HIP1: variants seen among roughly 807,000 people sequenced by gnomAD.
The protein encoded by HIP1 is huntingtin interacting protein 1, also known as huntingtin-interacting protein 1.
In HIP1, 65 loss-of-function variants were observed where a neutral mutation model predicts 147.6. The observed-to-expected ratio is 0.44, with a 90% CI of 0.36 to 0.54. The LOEUF is 0.54. HIP1 is among the 20% of genes least tolerant of loss of function. The pLI, the probability that HIP1 is intolerant of heterozygous loss-of-function variation, is 0.00. For missense variants in HIP1, 1,061 were observed against 1,299.6 expected (o/e 0.82, Z 2.82); for synonymous variants, 479 against 504.0 (o/e 0.95, Z 0.67).
intron 1 of HIP1, among the ~76,000 whole-genome samples, chr7:75,693,769 G>A (rs1345212035): frequency 2.0e-5 from 3 of 150,818 alleles, no homozygotes; most frequent in African/African-American, 7.3e-5. Flanking sequence ...CAGCTACTCG[G>A]GGGAAGGGAG....
At chr7:75,718,693 C>T (rs1020140433) in intron 1 of HIP1, among the ~76,000 whole-genome samples, 9 of 152,170 alleles carry the variant, frequency 5.9e-5, no homozygotes, top group Non-Finnish European at 1.2e-4. Flanking sequence ...TTAGTTGTCA[C>T]TTCTGAGCTG....
intron 1 of HIP1, among the ~76,000 whole-genome samples, chr7:75,663,929 T>G: frequency 1.4e-5 from 1 of 71,572 alleles, no homozygotes; most frequent in Non-Finnish European, 2.6e-5. Context: ...ATTTTATGTA[T>G]GTGTGTATAT....
At chr7:75,591,981 C>A in intron 4 of HIP1, 75 bp downstream of exon 4, 1 of 1,174,522 alleles carries the variant, frequency 8.5e-7, no homozygotes, top group Non-Finnish European at 1.3e-6. Context: ...TTATTTCACC[C>A]TCCAGTCCTT....
At chr7:75,733,333 T>G (rs1584988719) in intron 1 of HIP1, 1 of 152,568 alleles carries the variant, frequency 6.6e-6, no homozygotes, top group East Asian at 1.9e-4. Context: ...GTGGTCCCAA[T>G]GATGGCTAGA....
At chr7:75,676,939 A>G (rs1799913343) in intron 1 of HIP1, among the ~76,000 whole-genome samples, 1 of 152,056 alleles carries the variant, frequency 6.6e-6, no homozygotes, top group Non-Finnish European at 1.5e-5. Flanking sequence ...TCACACCTGT[A>G]ACCCCAGCAC....
At chr7:75,592,001 C>A (rs1328931961) in intron 4 of HIP1, 55 bp downstream of exon 4, 2 of 1,368,864 alleles carry the variant, frequency 1.5e-6, no homozygotes, top group African/African-American at 2.9e-5. Context: ...TGCTCTGTGG[C>A]CTCTGAGGAA....
chr7:75,707,986 C>T (rs1176322544), intron 1 of HIP1, among the ~76,000 whole-genome samples: 1 of 142,670 alleles, frequency 7.0e-6, no homozygotes, highest in East Asian at 2.0e-4. Flanking sequence ...AGACCTAAAA[C>T]CATAAAAACC....
intron 1 of HIP1, among the ~76,000 whole-genome samples, chr7:75,659,704 C>T (rs1554513291): frequency 6.6e-6 from 1 of 152,098 alleles, no homozygotes; most frequent in Non-Finnish European, 1.5e-5. Context: ...AGACTAGAAA[C>T]AGGATCAGAC....
At chr7:75,705,257 A>G (rs1446154335) in intron 1 of HIP1, among the ~76,000 whole-genome samples, 6 of 152,188 alleles carry the variant, frequency 3.9e-5, no homozygotes, top group Non-Finnish European at 7.3e-5. Context: ...ACTTCATAGA[A>G]GTGGAATCAT....
intron 2 of HIP1, among the ~76,000 whole-genome samples, chr7:75,597,322 G>A (rs1160654369): frequency 1.3e-5 from 2 of 152,182 alleles, no homozygotes; most frequent in Non-Finnish European, 2.9e-5. Flanking sequence ...GTCGCCTCTA[G>A]GGGTTGAGGC....
In HIP1 at chr7:75,562,933, A is replaced by C; in HGVS notation, c.1020+2T>G. On this transcript the variant is annotated splice_donor_variant, in intron 11 of 30. Transcript: ENST00000336926. LOFTEE classifies it high-confidence loss of function. Reference sequence around the variant, plus strand: ...CAAGTTTCTCTCCCAAGTGGTCCTCACCTGCTGAGAGGCATCCATGTCCAT... The same window carrying C: ...CAAGTTTCTCTCCCAAGTGGTCCTCCCCTGCTGAGAGGCATCCATGTCCAT... 6.2e-7 allele frequency: 1 copy of C among 1,614,028 alleles called. No homozygotes were observed. Among genetic ancestry groups the C allele is most frequent in the Non-Finnish European group, 8.5e-7 (1 of 1,179,990 alleles).
intron 5 of HIP1, 117 bp downstream of exon 5, chr7:75,586,636 C>T: frequency 1.4e-6 from 1 of 706,404 alleles, no homozygotes; most frequent in Non-Finnish European, 2.6e-6. Flanking sequence ...GTGCACACTT[C>T]CTCAGAAGCC....
chr7:75,683,407 A>T (rs1004465595), intron 1 of HIP1, among the ~76,000 whole-genome samples: 1 of 151,810 alleles, frequency 6.6e-6, no homozygotes, highest in Non-Finnish European at 1.5e-5. Flanking sequence ...GCCAAAGAGC[A>T]AGCAAGAGAA....
chr7:75,597,547 C>T (rs1403402649), intron 2 of HIP1, among the ~76,000 whole-genome samples: 5 of 152,030 alleles, frequency 3.3e-5, no homozygotes, highest in Admixed American at 6.6e-5. Context: ...TGAAACCAGC[C>T]TGAGCAACAT....
At chr7:75,694,910 A>G (rs1297245150) in intron 1 of HIP1, among the ~76,000 whole-genome samples, 4 of 66,886 alleles carry the variant, frequency 6.0e-5, no homozygotes, top group Non-Finnish European at 1.1e-4. Flanking sequence ...TCTTCTCTGC[A>G]TTCTGGTGAG....
At chr7:75,620,198 C>A (rs1032656944) in intron 1 of HIP1, among the ~76,000 whole-genome samples, 8 of 149,360 alleles carry the variant, frequency 5.4e-5, no homozygotes, top group African/African-American at 2.0e-4. Context: ...CAGCTGGGGG[C>A]AACATGGTGA....
At chr7:75,728,633 A>C (rs980382633) in intron 1 of HIP1, among the ~76,000 whole-genome samples, 1 of 151,718 alleles carries the variant, frequency 6.6e-6, no homozygotes, top group Non-Finnish European at 1.5e-5. Context: ...TCAGTGCCCA[A>C]GTGGGGCAGG....
intron 1 of HIP1, among the ~76,000 whole-genome samples, chr7:75,721,060 C>A (rs1801488517): frequency 6.8e-6 from 1 of 148,056 alleles, no homozygotes; most frequent in South Asian, 2.1e-4. Flanking sequence ...AAAAAGACCT[C>A]ATCTCTATAA....
chr7:75,583,058 T>G (rs782512364), intron 5 of HIP1, among the ~76,000 whole-genome samples: 15 of 152,152 alleles, frequency 9.9e-5, no homozygotes, highest in Non-Finnish European at 1.9e-4. Context: ...CCTCTCTGGC[T>G]GCATCGCCCA....
Sources: allele counts gnomAD v4.1 joint callset (sites outside exome capture counted in the v4.1 genomes callset), GRCh38; gene constraint gnomAD v4.1.1; transcripts MANE v1.5; gene names NCBI Gene and HGNC (gene_info 2026-07-23, HGNC 2026-07-21).